Variants in UBAP2 observed in about 807,000 individuals in gnomAD.
UBAP2 encodes the protein ubiquitin associated protein 2.
UBAP2 carries 75 observed loss-of-function variants against 139.6 expected under a neutral mutation model. The observed-to-expected ratio is 0.54, with a 90% CI of 0.45 to 0.65. The LOEUF (loss-of-function observed/expected upper bound fraction) is 0.65. Ranked by LOEUF, UBAP2 falls within the 30% of genes least tolerant of loss-of-function variation. UBAP2 has a pLI of 0.00. For synonymous variants in UBAP2, 526 were observed against 526.2 expected, an observed-to-expected ratio of 1.00 and a Z score of 0.01; for missense variants, 1,368 against 1,369.6, an observed-to-expected ratio of 1.00 and a Z score of 0.02.
At chr9:34,044,917 C>T (rs1217257351) in intron 1 of UBAP2, among the ~76,000 whole-genome samples, 1 of 152,042 alleles carries the variant, frequency 6.6e-6, no homozygotes. Context: ...AAATAAAACA[C>T]CTACTCTACT....
At chr9:33,979,506 C>T (rs1353283757) in intron 6 of UBAP2, among the ~76,000 whole-genome samples, 1 of 151,858 alleles carries the variant, frequency 6.6e-6, no homozygotes, top group Non-Finnish European at 1.5e-5. Context: ...ACCCGGGAGG[C>T]GGAGGTTGCG....
chr9:33,960,391 T>G (rs1433004279), intron 10 of UBAP2, among the ~76,000 whole-genome samples: 1 of 152,172 alleles, frequency 6.6e-6, no homozygotes, highest in Admixed American at 6.5e-5. Flanking sequence ...AAACCCTGGC[T>G]ACGATACATG....
At chr9:33,968,956 G>A (rs956523133) in intron 8 of UBAP2, among the ~76,000 whole-genome samples, 1 of 152,110 alleles carries the variant, frequency 6.6e-6, no homozygotes, top group East Asian at 1.9e-4. Context: ...GTCTTTCTGT[G>A]ACTCTGCATA....
chr9:33,963,929 A>C, intron 8 of UBAP2, 138 bp from the exon 9 acceptor site: 1 of 651,526 alleles, frequency 1.5e-6, no homozygotes, highest in Middle Eastern at 2.6e-4. Context: ...TGAAATCCAT[A>C]CTCTTACAGG....
In UBAP2 at chr9:33,922,570, G is replaced by T. The variant is rs1373925684; in HGVS notation, c.3294C>A (p.Ser1098Arg). 1 of 1,613,688 alleles carries T rather than the reference G, an allele frequency of 6.2e-7. No individual in the cohort carries two copies. ...QSGSGQRSQP[S>R]SLQPKSQASK... ...AGGCTTGAGACTTGGGCTGCAGGGA[G>T]CTGGGCTGGCTGCGCTGACCCGAGC... is the stretch of plus-strand genomic sequence containing the variant. Residue 1098 changes from serine to arginine, a missense_variant, in exon 29 of 29, where the codon AGC becomes AGA. Transcript: ENST00000379238.
At chr9:34,016,120 A>G (rs13300356) in intron 2 of UBAP2, among the ~76,000 whole-genome samples, 102,984 of 151,302 alleles carry the variant, frequency 0.68, 35,700 homozygotes, top group East Asian at 0.81. Flanking sequence ...ATGAAGCAGC[A>G]GGGAAGGAGG....
chr9:33,923,562 C>G, intron 24 of UBAP2, 84 bp from the exon 25 acceptor site: 3 of 1,353,448 alleles, frequency 2.2e-6, no homozygotes, highest in Non-Finnish European at 3.2e-6. Flanking sequence ...CCTAAGGCAG[C>G]AGGTGACATA....
At position 33,933,504 on chromosome 9, in the gene UBAP2, G is replaced by C. The variant is rs995486324; in HGVS notation, c.2094C>G (p.Leu698=). ...QHTGDLTSSP[L]SQLSSSLSSH... ...CTTCCCCATACCTGCTAAGCTGAGA[G>C]AGAGGGCTGCTAGTCAGGTCGCCAG... is the stretch of plus-strand genomic sequence containing the variant. The change falls in exon 18 of 29, where the codon CTC becomes CTG. Residue 698 remains leucine (L), a synonymous_variant. Coordinates refer to ENST00000379238, the MANE Select transcript of UBAP2 (RefSeq NM_001370062.2). 2 of 1,613,788 alleles carry C rather than the reference G, an allele frequency of 1.2e-6. No homozygotes were observed. Among genetic ancestry groups the C allele is most frequent in the Admixed American group, 3.3e-5 (2 of 59,986 alleles).
At chr9:33,981,061 CTTCA>C (rs1258518466) in intron 6 of UBAP2, among the ~76,000 whole-genome samples, 3 of 41,452 alleles carry the variant, frequency 7.2e-5, no homozygotes, top group African/African-American at 2.8e-4. Context: ...GGCTTATTTA[CTTCA>C]TATATATATA....
intron 4 of UBAP2, among the ~76,000 whole-genome samples, chr9:33,993,402 A>T (rs1052445709): frequency 6.6e-6 from 1 of 152,250 alleles, no homozygotes; most frequent in African/African-American, 2.4e-5. Context: ...GAGATGAGGC[A>T]AACAGTATGA....
At chr9:33,930,635 C>T (rs1047289916) in intron 19 of UBAP2, among the ~76,000 whole-genome samples, 2 of 152,032 alleles carry the variant, frequency 1.3e-5, no homozygotes, top group East Asian at 1.9e-4. Flanking sequence ...CGGTGGTTCA[C>T]GCCTGTAATC....
At position 34,012,391 on chromosome 9, in the gene UBAP2, C is replaced by T. The variant is rs1823828394; in HGVS notation, c.99+4659G>A. ...ACTGAAAATATAAAAATTTGCCAGGCATGGTGGCGCATGCCTATAATCCCA... is the reference window on the plus strand; with the variant it reads ...ACTGAAAATATAAAAATTTGCCAGGTATGGTGGCGCATGCCTATAATCCCA... On this transcript the variant is annotated intron_variant, in intron 2 of 28. Coordinates refer to ENST00000379238, the MANE Select transcript of UBAP2 (RefSeq NM_001370062.2). 2.6e-5 allele frequency among the ~76,000 whole-genome samples: 4 copies of T among 152,066 alleles called. No homozygotes were observed. The South Asian group carries it at 8.3e-4, about 31-fold the overall frequency.
intron 1 of UBAP2, among the ~76,000 whole-genome samples, chr9:34,024,982 TC>T (rs1195854469): frequency 6.7e-6 from 1 of 148,712 alleles, no homozygotes; most frequent in African/African-American, 2.5e-5. Context: ...AGACTCTGTC[TC>T]CCCAAAAAAA....
At chr9:33,974,595 TCA>T (rs1828155748) in intron 6 of UBAP2, among the ~76,000 whole-genome samples, 1 of 151,956 alleles carries the variant, frequency 6.6e-6, no homozygotes, top group African/African-American at 2.4e-5. Context: ...ATATATCTGA[TCA>T]CAGAGTAACA....
chr9:33,968,178 GT>G, intron 8 of UBAP2: 1 of 610,256 alleles, frequency 1.6e-6, no homozygotes, highest in Non-Finnish European at 3.2e-6. Context: ...AATCTACTGG[GT>G]TTTGGGATAT....
rs767817603 is a variant in UBAP2 at position 33,932,550 on chromosome 9, G to A, written c.2175+12C>T. On this transcript the variant is annotated intron_variant, in intron 19 of 28. Transcript: ENST00000379238. ...GCATGGCGGAGGAAGAGGAAGCCGC[G>A]CAGACACTTACTGTGTGTGACGTGC... The A allele has an allele frequency of 1.5e-5, 24 of 1,613,524 alleles. No individual in the cohort carries two copies. The highest frequency in any genetic ancestry group is 3.3e-5 in the South Asian group (3 of 91,080).
At chr9:34,027,332 T>A (rs985940901) in intron 1 of UBAP2, among the ~76,000 whole-genome samples, 1 of 151,550 alleles carries the variant, frequency 6.6e-6, no homozygotes, top group African/African-American at 2.4e-5. Flanking sequence ...ATACAAAAAA[T>A]AAGCCAGGTG....
chr9:33,953,162 C>T, intron 12 of UBAP2, 123 bp downstream of exon 12: 1 of 991,564 alleles, frequency 1.0e-6, no homozygotes, highest in Non-Finnish European at 1.4e-6. Flanking sequence ...AGCCATCATG[C>T]CCGGCCTTAC....
intron 2 of UBAP2, among the ~76,000 whole-genome samples, chr9:34,011,406 T>C (rs1410743668): frequency 6.6e-6 from 1 of 152,118 alleles, no homozygotes; most frequent in Non-Finnish European, 1.5e-5. Flanking sequence ...AGACTACTTC[T>C]GAAAGCATAG....
Sources: allele counts gnomAD v4.1 joint callset (sites outside exome capture counted in the v4.1 genomes callset), GRCh38; gene constraint gnomAD v4.1.1; transcripts MANE v1.5; gene names NCBI Gene and HGNC (gene_info 2026-07-23, HGNC 2026-07-21).